Variants in SHLD1 observed in about 807,000 individuals in gnomAD.
SHLD1 encodes the protein shieldin complex subunit 1.
Under a neutral mutation model 5.5 loss-of-function variants are expected in SHLD1, and 3 were observed. The observed-to-expected ratio is 0.54, with a 90% CI of 0.25 to 1.40. SHLD1 has a LOEUF of 1.40. Ranked by LOEUF, SHLD1 falls within the 40% of genes most tolerant of loss-of-function variation. The probability of loss-of-function intolerance (pLI) is 0.15; values close to 1 mark genes in which losing one functional copy is unlikely to be tolerated. For missense variants in SHLD1, 210 were observed against 244.4 expected, an observed-to-expected ratio of 0.86 and a Z score of 0.94; for synonymous variants, 92 against 94.3, an observed-to-expected ratio of 0.98 and a Z score of 0.14.
chr20:5,859,493 A>T (rs971896244), intron 2 of SHLD1, among the ~76,000 whole-genome samples: 1 of 152,212 alleles, frequency 6.6e-6, no homozygotes, highest in Admixed American at 6.5e-5. Context: ...AACAGAGAGA[A>T]TAAGGTGGGG....
chr20:5,819,450 G>A (rs1288379127), intron 2 of SHLD1, among the ~76,000 whole-genome samples: 1 of 152,158 alleles, frequency 6.6e-6, no homozygotes, highest in Non-Finnish European at 1.5e-5. Flanking sequence ...CATATAAGAA[G>A]TACTCAATGA....
chr20:5,860,700 G>A (rs1192517682), intron 2 of SHLD1, among the ~76,000 whole-genome samples: 1 of 151,800 alleles, frequency 6.6e-6, no homozygotes, highest in Non-Finnish European at 1.5e-5. Context: ...AAGAGTACAG[G>A]CCAAGAACTC....
In SHLD1 at chr20:5,807,381, T is replaced by A. The variant is rs374826863; in HGVS notation, c.178+34338T>A. 7.9e-5 allele frequency among the ~76,000 whole-genome samples: 12 copies of A among 152,112 alleles called. No individual in the cohort carries two copies. In the East Asian group the frequency reaches 1.7e-3, roughly 22 times the overall value. Reference sequence around the variant, plus strand: ...TTTCTTTCTCTCTCTTTCTTCCTCTTTCTCTTTTTTCCTTTTTTTTGAATT... The same window carrying A: ...TTTCTTTCTCTCTCTTTCTTCCTCTATCTCTTTTTTCCTTTTTTTTGAATT... On this transcript the variant is annotated intron_variant, in intron 2 of 2. Coordinates refer to ENST00000303142, the MANE Select transcript of SHLD1 (RefSeq NM_152504.4).
rs1465364064 is a variant in SHLD1 at position 5,764,201 on chromosome 20, A to C, written c.-4-8661A>C. Reference sequence around the variant, plus strand: ...TTTTATATATATATATTTTATATATATATATATTTGTGTGTGTGTATATAT... The same window carrying C: ...TTTTATATATATATATTTTATATATCTATATATTTGTGTGTGTGTATATAT... On this transcript the variant is annotated intron_variant, in intron 1 of 2. Transcript: ENST00000303142. Among the ~76,000 whole-genome samples the C allele has an allele frequency of 1.5e-3, 63 of 42,372 alleles. 1 individual carries two copies. Among genetic ancestry groups the C allele is most frequent in the African/African-American group, 6.1e-3 (62 of 10,118 alleles). 27.8% of individuals were successfully genotyped at this position (42,372 alleles called of 152,430 possible).
intron 2 of SHLD1, among the ~76,000 whole-genome samples, chr20:5,826,361 G>A (rs1228337797): frequency 6.6e-6 from 1 of 151,390 alleles, no homozygotes; most frequent in African/African-American, 2.4e-5. Flanking sequence ...TTATAGCAGA[G>A]CTAATTGTAA....
chr20:5,848,874 G>A (rs1009199088), intron 2 of SHLD1, among the ~76,000 whole-genome samples: 4 of 152,174 alleles, frequency 2.6e-5, no homozygotes, highest in Non-Finnish European at 5.9e-5. Context: ...TCATTAGGAT[G>A]AAGGGTGATA....
intron 2 of SHLD1, among the ~76,000 whole-genome samples, chr20:5,833,615 AAG>A (rs143899212): frequency 6.0e-5 from 9 of 150,350 alleles, no homozygotes; most frequent in Middle Eastern, 3.4e-3. Flanking sequence ...TGCCTGTAGG[AAG>A]AGAGAGAGAG....
intron 2 of SHLD1, among the ~76,000 whole-genome samples, chr20:5,845,340 G>A (rs1039460020): frequency 5.3e-5 from 8 of 152,182 alleles, no homozygotes; most frequent in African/African-American, 1.9e-4. Context: ...TTATAGATGA[G>A]GACATGGAGA....
chr20:5,807,986 A>C (rs889397228), intron 2 of SHLD1, among the ~76,000 whole-genome samples: 1 of 152,212 alleles, frequency 6.6e-6, no homozygotes, highest in African/African-American at 2.4e-5. Context: ...AAAAGAGTAT[A>C]AAATGAAATG....
At chr20:5,755,549 T>C (rs1236015754) in intron 1 of SHLD1, among the ~76,000 whole-genome samples, 9 of 149,668 alleles carry the variant, frequency 6.0e-5, no homozygotes, top group Non-Finnish European at 1.0e-4. Context: ...GGGAAGAACA[T>C]TTTCTTTTTC....
intron 2 of SHLD1, among the ~76,000 whole-genome samples, chr20:5,818,065 TTTTCTTTTTC>T (rs1023219179): frequency 7.2e-5 from 11 of 152,126 alleles, no homozygotes; most frequent in Non-Finnish European, 1.0e-4. Context: ...TTTCTCCTTT[TTTTCTTTTTC>T]TTTCTTTTTT....
In SHLD1 at chr20:5,772,934, G is replaced by A. The variant is rs202050628; in HGVS notation, c.69G>A (p.Ala23=). ...EESSALDLPS[A]CDIRDYVLQG... ...GCAGTGCTTTGGACCTGCCATCAGC[G>A]TGTGACATAAGAGATTACGTCCTGC... Residue 23 remains alanine (A), a synonymous_variant, in exon 2 of 3, where the codon GCG becomes GCA. Coordinates refer to ENST00000303142, the MANE Select transcript of SHLD1 (RefSeq NM_152504.4). 13 of 1,614,046 alleles carry A rather than the reference G, an allele frequency of 8.1e-6. No individual in the cohort carries two copies. The highest frequency in any genetic ancestry group is 2.2e-5 in the East Asian group (1 of 44,884).
intron 2 of SHLD1, among the ~76,000 whole-genome samples, chr20:5,774,481 A>G (rs141592085): frequency 0.012 from 1,793 of 152,248 alleles, 32 homozygotes; most frequent in African/African-American, 0.041. Context: ...ACACTGCTAT[A>G]AAGAGATACC....
intron 2 of SHLD1, among the ~76,000 whole-genome samples, chr20:5,794,701 G>A (rs1259605049): frequency 2.0e-5 from 3 of 152,172 alleles, no homozygotes; most frequent in Admixed American, 6.6e-5. Context: ...GTCTTATGGT[G>A]AAGGATCCCT....
chr20:5,824,920 A>C (rs2087649179), intron 2 of SHLD1, among the ~76,000 whole-genome samples: 1 of 152,176 alleles, frequency 6.6e-6, no homozygotes, highest in South Asian at 2.1e-4. Flanking sequence ...CTTCCTTTTC[A>C]AAACCACAGG....
chr20:5,783,535 G>A (rs1173348892), intron 2 of SHLD1, among the ~76,000 whole-genome samples: 4 of 152,094 alleles, frequency 2.6e-5, no homozygotes, highest in Non-Finnish European at 5.9e-5. Flanking sequence ...CCTAGATTGA[G>A]TTATGCAGAT....
Position 5,779,905 on chromosome 20 carries a change from C to T in SHLD1, c.178+6862C>T, listed in dbSNP as rs544772867. Among the ~76,000 whole-genome samples the T allele has an allele frequency of 1.5e-3, 223 of 150,698 alleles. 1 individual carries two copies. The highest frequency in any genetic ancestry group is 3.6e-3 in the South Asian group (17 of 4,744). On this transcript the variant is annotated intron_variant, in intron 2 of 2. Transcript: ENST00000303142. Reference sequence around the variant, plus strand: ...ACTTGGGACCTGGCTCCCCCAGCTACTGGGTGAAATAGAGCCAAGCTTTGG... The same window carrying T: ...ACTTGGGACCTGGCTCCCCCAGCTATTGGGTGAAATAGAGCCAAGCTTTGG...
chr20:5,807,253 T>C (rs1158955633), intron 2 of SHLD1, among the ~76,000 whole-genome samples: 1 of 152,220 alleles, frequency 6.6e-6, no homozygotes. Context: ...GTAATACCCA[T>C]CCCAGTTTTC....
chr20:5,784,074 C>A (rs865844310), intron 2 of SHLD1, among the ~76,000 whole-genome samples: 25 of 151,974 alleles, frequency 1.6e-4, no homozygotes, highest in African/African-American at 4.6e-4. Flanking sequence ...TTGCTTGAAC[C>A]CGGGAGGCGG....
Sources: allele counts gnomAD v4.1 joint callset (sites outside exome capture counted in the v4.1 genomes callset), GRCh38; gene constraint gnomAD v4.1.1; transcripts MANE v1.5; gene names NCBI Gene and HGNC (gene_info 2026-07-23, HGNC 2026-07-21).